GPATCH1: variants seen among roughly 807,000 people sequenced by gnomAD.
GPATCH1 encodes G patch domain-containing protein 1.
Under a neutral mutation model 114.9 loss-of-function variants are expected in GPATCH1, and 73 were observed. The ratio of observed to expected loss-of-function variants is 0.64; its 90% CI spans 0.53 to 0.77. The LOEUF (loss-of-function observed/expected upper bound fraction) is 0.77, where lower values mean the gene tolerates loss of function less well. Among genes scored for constraint, GPATCH1 ranks in the 30% least tolerant of loss-of-function variants. The pLI, the probability that GPATCH1 is intolerant of heterozygous loss-of-function variation, is 0.00. For synonymous variants in GPATCH1, 391 were observed against 428.4 expected (o/e 0.91, Z 1.08); for missense variants, 1,058 against 1,144.3 (o/e 0.92, Z 1.09).
intron 17 of GPATCH1, among the ~76,000 whole-genome samples, chr19:33,124,836 A>G (rs567837808): frequency 1.3e-5 from 2 of 152,126 alleles, no homozygotes; most frequent in Non-Finnish European, 2.9e-5. Context: ...CTTTATCTGC[A>G]TCTGGCAGCT....
Position 33,109,877 on chromosome 19 carries a change from T to A in GPATCH1, c.1446T>A (p.Ala482=). ...SRAQLSPAAA[A]GHCSWNMALG... ...CCCAGCTCTCCCCTGCAGCGGCTGC[T>A]GGGCACTGCTCTTGGAACATGGCAT... is the stretch of plus-strand genomic sequence containing the variant. The change falls in exon 11 of 20, where the codon GCT becomes GCA. Residue 482 remains alanine (A), a synonymous_variant. Transcript: ENST00000170564. 6.2e-7 allele frequency: 1 copy of A among 1,614,132 alleles called. No homozygotes were observed. Among genetic ancestry groups the A allele is most frequent in the Non-Finnish European group, 8.5e-7 (1 of 1,180,014 alleles).
intron 9 of GPATCH1, among the ~76,000 whole-genome samples, chr19:33,102,183 A>C (rs1257619444): frequency 6.6e-6 from 1 of 151,226 alleles, no homozygotes; most frequent in Non-Finnish European, 1.5e-5. Context: ...AAAATACAAA[A>C]ATTAGCTAGG....
rs775477706 is a variant in GPATCH1, at chr19:33,112,494, C to T, written c.1773C>T (p.Val591=). The T allele has an allele frequency of 1.7e-5, 27 of 1,613,760 alleles. No individual in the cohort carries two copies. Among genetic ancestry groups the T allele is most frequent in the South Asian group, 8.8e-5 (8 of 91,060 alleles). The change falls in exon 13 of 20, where the codon GTC becomes GTT. Residue 591 remains valine (V), a synonymous_variant. Transcript: ENST00000170564. ...TGCATGTCTTTTTCCAGAATGATGT[C>T]GGGGATAAGCAGTCGGCTGTGAAGA... is the stretch of plus-strand genomic sequence containing the variant. ...VEVPRDQEND[V]GDKQSAVKMK... is the part of the protein sequence containing the mutation.
intron 1 of GPATCH1, among the ~76,000 whole-genome samples, chr19:33,081,801 A>G (rs1568335233): frequency 1.3e-5 from 2 of 152,058 alleles, no homozygotes; most frequent in South Asian, 2.1e-4. Context: ...TTGGTAGGGT[A>G]AAGAGTTTGG....
At chr19:33,114,552 G>A (rs1167090307) in intron 15 of GPATCH1, 133 bp downstream of exon 15, 2 of 688,878 alleles carry the variant, frequency 2.9e-6, no homozygotes, top group Non-Finnish European at 4.7e-6. Context: ...AAGGCCATTT[G>A]GCTTGTTTCT....
At chr19:33,081,306 GC>G in intron 1 of GPATCH1, 40 bp downstream of exon 1, 1 of 1,493,242 alleles carries the variant, frequency 6.7e-7, no homozygotes, top group Non-Finnish European at 9.1e-7. Flanking sequence ...TGGAAAACAG[GC>G]CAAGGGCCCA....
rs1421679904 is a variant in GPATCH1, at chr19:33,130,292, G to A, written c.*132G>A. 3.5e-6 allele frequency: 2 copies of A among 572,380 alleles called. No individual in the cohort carries two copies. The highest frequency in any genetic ancestry group is 1.9e-5 in the African/African-American group (1 of 52,106). 35.5% of individuals were successfully genotyped at this position (572,380 alleles called of 1,614,324 possible). On this transcript the variant is annotated 3_prime_UTR_variant, in exon 20 of 20. Coordinates refer to ENST00000170564, the MANE Select transcript of GPATCH1 (RefSeq NM_018025.3). Reference sequence around the variant, plus strand: ...GCTGTAAAATAATTTTTAAAACCTTGACATTTCAAAGACTGCCTTGAAAGG... The same window carrying A: ...GCTGTAAAATAATTTTTAAAACCTTAACATTTCAAAGACTGCCTTGAAAGG...
chr19:33,109,867 C>T lies in GPATCH1; in HGVS notation c.1436C>T (p.Ala479Val). ...AQSSRAQLSP[A>V]AAAGHCSWNM... ...AGCAGCAGAGCCCAGCTCTCCCCTG[C>T]AGCGGCTGCTGGGCACTGCTCTTGG... Residue 479 changes from alanine to valine, a missense_variant, in exon 11 of 20, where the codon GCA becomes GTA. This residue lies in a region of GPATCH1 where 893 missense variants were observed against 977.4 expected (regional missense o/e 0.91). Coordinates refer to ENST00000170564, the MANE Select transcript of GPATCH1 (RefSeq NM_018025.3). 1.2e-6 allele frequency: 2 copies of T among 1,614,170 alleles called. No individual in the cohort carries two copies. The highest frequency in any genetic ancestry group is 1.1e-5 in the South Asian group (1 of 91,084).
At chr19:33,092,779 C>T (rs771032034) in intron 3 of GPATCH1, among the ~76,000 whole-genome samples, 48 of 152,324 alleles carry the variant, frequency 3.2e-4, no homozygotes, top group African/African-American at 8.7e-4. Flanking sequence ...GAGAAGAACA[C>T]GGCCATTACT....
In GPATCH1 at chr19:33,110,011, A is replaced by G; in HGVS notation, c.1580A>G (p.Gln527Arg). 6.2e-7 allele frequency: 1 copy of G among 1,603,816 alleles called. No homozygotes were observed. Among genetic ancestry groups the G allele is most frequent in the East Asian group, 2.2e-5 (1 of 44,718 alleles). ...TTCTTAGTACACATGAAACAGGGTCAGAAAGGTGGGTGCTGGGCCTGGGTG... is the reference window on the plus strand; with the variant it reads ...TTCTTAGTACACATGAAACAGGGTCGGAAAGGTGGGTGCTGGGCCTGGGTG... ...DEFLVHMKQG[Q>R]KDALERCLDP... Residue 527 changes from glutamine (Q) to arginine (R), a missense_variant, in exon 11 of 20, where the codon CAG becomes CGG. Transcript: ENST00000170564.
rs1388894961 is a variant in GPATCH1, at chr19:33,081,284, C to T, written c.73+18C>T. On this transcript the variant is annotated intron_variant, in intron 1 of 19. Coordinates refer to ENST00000170564, the MANE Select transcript of GPATCH1 (RefSeq NM_018025.3). ...GGAAGAAGGTGCGGGCCGCGTGGGC[C>T]GGCGGAGCCTGTGGAAAACAGGCCA... is the stretch of plus-strand genomic sequence containing the variant. 2.6e-6 allele frequency: 4 copies of T among 1,547,024 alleles called. No individual in the cohort carries two copies. The highest frequency in any genetic ancestry group is 3.5e-6 in the Non-Finnish European group (4 of 1,143,272).
chr19:33,112,919 A>T, intron 13 of GPATCH1: 2 of 220,980 alleles, frequency 9.1e-6, no homozygotes, highest in Middle Eastern at 1.7e-3. Context: ...TGTGGTTTAC[A>T]TTTATAATGT....
At chr19:33,083,546 C>T (rs1972503453) in intron 1 of GPATCH1, among the ~76,000 whole-genome samples, 1 of 151,476 alleles carries the variant, frequency 6.6e-6, no homozygotes, top group South Asian at 2.1e-4. Context: ...AGGTACATTC[C>T]ACTACGCCTG....
Position 33,090,780 on chromosome 19 carries a change from G to C in GPATCH1, c.209G>C (p.Gly70Ala), listed in dbSNP as rs568727305. 1 of 1,601,746 alleles carries C rather than the reference G, an allele frequency of 6.2e-7. No homozygotes were observed. The highest frequency in any genetic ancestry group is 1.3e-5 in the African/African-American group (1 of 74,420). Residue 70 changes from glycine to alanine, a missense_variant and splice_region_variant, in exon 3 of 20, where the codon GGA becomes GCA. Gly to Ala is a moderately conservative substitution (Grantham distance 60). Coordinates refer to ENST00000170564, the MANE Select transcript of GPATCH1 (RefSeq NM_018025.3). Reference protein sequence around the residue: ...GYFNTVGSKEGWTPSTFVSSR... With the variant: ...GYFNTVGSKEAWTPSTFVSSR... ...AAGTTCTAAACTCTTTTTTTTTCAG[G>C]ATGGACACCCTCTACCTTTGTGTCT...
At chr19:33,101,193 G>A (rs1263878639) in intron 8 of GPATCH1, among the ~76,000 whole-genome samples, 1 of 152,122 alleles carries the variant, frequency 6.6e-6, no homozygotes, top group Admixed American at 6.6e-5. Flanking sequence ...TATATCCTTT[G>A]GTGCCCCTAA....
chr19:33,110,056 C>T (rs1187838437), intron 11 of GPATCH1, 40 bp downstream of exon 11: 15 of 1,522,670 alleles, frequency 9.9e-6, no homozygotes, highest in African/African-American at 2.7e-5. Context: ...TCGGCCCGGG[C>T]GGGGTCATAT....
intron 8 of GPATCH1, among the ~76,000 whole-genome samples, chr19:33,098,855 G>A (rs939481729): frequency 7.9e-5 from 12 of 152,010 alleles, no homozygotes; most frequent in Admixed American, 7.2e-4. Context: ...CCAGTGTTAG[G>A]AGACTTAACC....
At chr19:33,105,512 C>A (rs1212909412) in intron 9 of GPATCH1, among the ~76,000 whole-genome samples, 2 of 150,620 alleles carry the variant, frequency 1.3e-5, no homozygotes, top group Non-Finnish European at 2.9e-5. Flanking sequence ...AAAATAACTA[C>A]AGTTATTATT....
chr19:33,096,130 C>T (rs546259440), intron 6 of GPATCH1, 77 bp from the exon 7 acceptor site: 23 of 1,421,538 alleles, frequency 1.6e-5, no homozygotes, highest in South Asian at 5.1e-5. Context: ...TTAATCACTG[C>T]GTTTTCAATT....
Sources: allele counts gnomAD v4.1 joint callset (sites outside exome capture counted in the v4.1 genomes callset), GRCh38; gene constraint gnomAD v4.1.1; regional missense constraint gnomAD v4.1.1; transcripts MANE v1.5; gene names NCBI Gene and HGNC (gene_info 2026-07-23, HGNC 2026-07-21).